The following SPECC1L variants were observed in gnomAD, a reference collection of about 807,000 sequenced individuals.
SPECC1L encodes sperm antigen with calponin homology and coiled-coil domains 1 like, also known as cytospin-A.
In SPECC1L, 40 loss-of-function variants were observed where a neutral mutation model predicts 116.8. The ratio of observed to expected loss-of-function variants is 0.34; its 90% CI spans 0.27 to 0.45. SPECC1L has a LOEUF of 0.45. Among genes scored for constraint, SPECC1L ranks in the 20% least tolerant of loss-of-function variants. SPECC1L has a pLI of 1.00. For missense variants in SPECC1L, 1,110 were observed against 1,373.6 expected, an observed-to-expected ratio of 0.81 and a Z score of 3.03; for synonymous variants, 504 against 500.6, an observed-to-expected ratio of 1.01 and a Z score of -0.09.
intron 14 of SPECC1L, among the ~76,000 whole-genome samples, chr22:24,404,517 A>G (rs553415017): frequency 1.1e-4 from 17 of 152,182 alleles, no homozygotes; most frequent in African/African-American, 3.1e-4. Context: ...GGAGCACTGC[A>G]TGCGCTCTCC....
At chr22:24,287,051 G>A (rs1339121286) in intron 2 of SPECC1L, among the ~76,000 whole-genome samples, 1 of 152,204 alleles carries the variant, frequency 6.6e-6, no homozygotes, top group African/African-American at 2.4e-5. Context: ...GGGATGGGGG[G>A]CCAACCAACT....
In SPECC1L at chr22:24,282,156, C is replaced by T. The variant is rs1292382741; in HGVS notation, c.-38+5353C>T. ...AGCCAGTTAATCGATCTGGATGGTG[C>T]CAGCTGATCCATCAAGTGCAGGGTC... On this transcript the variant is annotated intron_variant, in intron 2 of 16. Transcript: ENST00000314328. 7.9e-5 allele frequency among the ~76,000 whole-genome samples: 12 copies of T among 152,296 alleles called. No individual in the cohort carries two copies. In the South Asian group the frequency reaches 2.3e-3, roughly 29 times the overall value.
chr22:24,292,645 G>A (rs544686734), intron 2 of SPECC1L, among the ~76,000 whole-genome samples: 7 of 152,166 alleles, frequency 4.6e-5, no homozygotes, highest in African/African-American at 9.6e-5. Flanking sequence ...TGGGAGACCC[G>A]GAAGGAGATT....
intron 11 of SPECC1L, among the ~76,000 whole-genome samples, chr22:24,362,387 C>T (rs2041663194): frequency 6.6e-6 from 1 of 152,118 alleles, no homozygotes; most frequent in African/African-American, 2.4e-5. Context: ...TAAAGGAACT[C>T]CCAAGACAGC....
At chr22:24,318,811 C>G (rs1029623088) in intron 4 of SPECC1L, among the ~76,000 whole-genome samples, 1 of 151,636 alleles carries the variant, frequency 6.6e-6, no homozygotes, top group African/African-American at 2.4e-5. Flanking sequence ...TGCTTGTAGT[C>G]CTAGCTACTC....
chr22:24,368,584 G>C (rs1387481985), intron 13 of SPECC1L, among the ~76,000 whole-genome samples: 1 of 152,114 alleles, frequency 6.6e-6, no homozygotes, highest in Non-Finnish European at 1.5e-5. Context: ...ACCTTACCCT[G>C]TATATTTTAC....
chr22:24,394,162 A>G (rs62233987), intron 14 of SPECC1L, among the ~76,000 whole-genome samples: 2,974 of 152,298 alleles, frequency 0.02, 51 homozygotes, highest in African/African-American at 0.042. Flanking sequence ...GCAGGTGTTC[A>G]TATGGTGTCT....
chr22:24,312,154 G>A (rs1351340008), intron 3 of SPECC1L, among the ~76,000 whole-genome samples: 2 of 152,058 alleles, frequency 1.3e-5, no homozygotes, highest in African/African-American at 4.8e-5. Context: ...CAAATTTTTT[G>A]TAGAAACGGA....
intron 2 of SPECC1L, among the ~76,000 whole-genome samples, chr22:24,277,663 C>T (rs1451057445): frequency 2.0e-5 from 3 of 152,180 alleles, no homozygotes; most frequent in Non-Finnish European, 4.4e-5. Context: ...TTTCATTTAG[C>T]AAAATGTTAT....
At chr22:24,308,614 C>T (rs563838100) in intron 3 of SPECC1L, among the ~76,000 whole-genome samples, 237 of 152,256 alleles carry the variant, frequency 1.6e-3, no homozygotes, top group African/African-American at 5.7e-3. Flanking sequence ...TAATAAGTAG[C>T]TTGTCAGAGA....
intron 11 of SPECC1L, among the ~76,000 whole-genome samples, chr22:24,360,144 CATA>C (rs2041614773): frequency 6.6e-6 from 1 of 152,306 alleles, no homozygotes; most frequent in South Asian, 2.1e-4. Context: ...TTACTGTAAA[CATA>C]ATATCTCCTG....
At chr22:24,414,300 G>C (rs1007673045) in intron 16 of SPECC1L, among the ~76,000 whole-genome samples, 3 of 152,240 alleles carry the variant, frequency 2.0e-5, no homozygotes, top group Non-Finnish European at 2.9e-5. Context: ...CTGCAGAGCC[G>C]TGAGCAGGGA....
chr22:24,276,309 G>A (rs576756739), intron 1 of SPECC1L, among the ~76,000 whole-genome samples: 3 of 152,314 alleles, frequency 2.0e-5, no homozygotes, highest in Non-Finnish European at 2.9e-5. Flanking sequence ...GTGCGCACCT[G>A]TGGTCTCAGG....
In SPECC1L at chr22:24,302,229, A is replaced by G. The variant is rs778364404; in HGVS notation, c.-3A>G. On this transcript the variant is annotated 5_prime_UTR_variant, in exon 3 of 17. Transcript: ENST00000314328. ...TAAATGCATCACGAAGAGGCAGCCC[A>G]GAATGAAGAAAGCAAGCAGGAGTGT... 1.9e-6 allele frequency: 3 copies of G among 1,614,090 alleles called. No homozygotes were observed. The highest frequency in any genetic ancestry group is 2.5e-6 in the Non-Finnish European group (3 of 1,179,992).
intron 14 of SPECC1L, 130 bp from the exon 15 acceptor site, chr22:24,411,458 C>T (rs1028420092): frequency 2.2e-5 from 18 of 832,954 alleles, no homozygotes; most frequent in Non-Finnish European, 3.7e-5. Context: ...TTGGACACAG[C>T]CGCCCTGCCC....
At chr22:24,289,875 G>T (rs564481781) in intron 2 of SPECC1L, among the ~76,000 whole-genome samples, 4 of 152,246 alleles carry the variant, frequency 2.6e-5, no homozygotes, top group Admixed American at 2.6e-4. Context: ...TGTCTGGCTG[G>T]TGCTTTCCAG....
chr22:24,372,854 A>G (rs557675551), intron 14 of SPECC1L, among the ~76,000 whole-genome samples: 133 of 152,334 alleles, frequency 8.7e-4, no homozygotes, highest in Admixed American at 8.4e-3. Flanking sequence ...TGCAGATGAC[A>G]TGATTATATA....
chr22:24,339,479 C>T (rs1007231764), intron 10 of SPECC1L, among the ~76,000 whole-genome samples: 32 of 152,166 alleles, frequency 2.1e-4, no homozygotes, highest in Admixed American at 7.9e-4. Flanking sequence ...AGATGAGAAG[C>T]GGGGCAGAGG....
At chr22:24,390,658 T>TA (rs1342186515) in intron 14 of SPECC1L, among the ~76,000 whole-genome samples, 2 of 152,150 alleles carry the variant, frequency 1.3e-5, no homozygotes, top group Admixed American at 1.3e-4. Context: ...ACCCATTCTT[T>TA]ATGTGGACTG....
Sources: allele counts gnomAD v4.1 joint callset (sites outside exome capture counted in the v4.1 genomes callset), GRCh38; gene constraint gnomAD v4.1.1; transcripts MANE v1.5; gene names NCBI Gene and HGNC (gene_info 2026-07-23, HGNC 2026-07-21).